Variants in FAM78B observed in about 807,000 individuals in gnomAD.
FAM78B encodes the protein family with sequence similarity 78 member B, also known as protein FAM78B.
A neutral mutation model predicts 20.0 loss-of-function variants in FAM78B; 10 were observed. That is an observed-to-expected ratio of 0.50 (90% CI 0.31 to 0.85). The LOEUF (loss-of-function observed/expected upper bound fraction) is 0.85, where lower values mean the gene tolerates loss of function less well. FAM78B is among the 40% of genes least tolerant of loss of function. The pLI is 0.05. For synonymous variants in FAM78B, 135 were observed against 132.8 expected (o/e 1.02, Z -0.12); for missense variants, 283 against 345.0 (o/e 0.82, Z 1.42).
chr1:166,122,148 G>A (rs1261679707), intron 1 of FAM78B, among the ~76,000 whole-genome samples: 1 of 152,050 alleles, frequency 6.6e-6, no homozygotes. Flanking sequence ...TTTTTTCCTT[G>A]CCTTAGCCAG....
chr1:166,100,259 G>C (rs1324192338), intron 1 of FAM78B, among the ~76,000 whole-genome samples: 1 of 152,218 alleles, frequency 6.6e-6, no homozygotes, highest in African/African-American at 2.4e-5. Context: ...ACAGCTCCCA[G>C]CAGGAGCGAT....
At chr1:166,146,896 G>C (rs1655478124) in intron 1 of FAM78B, among the ~76,000 whole-genome samples, 1 of 152,174 alleles carries the variant, frequency 6.6e-6, no homozygotes, top group Non-Finnish European at 1.5e-5. Context: ...TGAATGTGCA[G>C]GCTTGGTTCA....
At chr1:166,107,345 A>C (rs899973035) in intron 1 of FAM78B, among the ~76,000 whole-genome samples, 1 of 152,192 alleles carries the variant, frequency 6.6e-6, no homozygotes, top group Non-Finnish European at 1.5e-5. Context: ...CTGAAATACA[A>C]AAGATTATTC....
intron 1 of FAM78B, among the ~76,000 whole-genome samples, chr1:166,153,667 C>A (rs190591228): frequency 1.3e-5 from 2 of 152,236 alleles, no homozygotes; most frequent in East Asian, 1.9e-4. Context: ...CAGGCTGCAA[C>A]AGGACTATGT....
In FAM78B at chr1:166,080,164, T is replaced by C. The variant is rs143122512; in HGVS notation, c.264-9401A>G. Among the ~76,000 whole-genome samples, 16 of 152,294 alleles carry C rather than the reference T, an allele frequency of 1.1e-4. 1 individual carries two copies. The East Asian group carries it at 2.3e-3, about 22-fold the overall frequency. ...CTCATGATGCCTCCCTAGTACAAAA[T>C]TAAGAGTCCAAAAGCTCTGAAAAAT... On this transcript the variant is annotated intron_variant, in intron 1 of 1. Transcript: ENST00000354422.
chr1:166,088,820 G>C (rs1652946438), intron 1 of FAM78B, among the ~76,000 whole-genome samples: 1 of 152,136 alleles, frequency 6.6e-6, no homozygotes, highest in South Asian at 2.1e-4. Flanking sequence ...TGTGGGGCTA[G>C]TGGGCTCCTC....
intron 1 of FAM78B, among the ~76,000 whole-genome samples, chr1:166,153,407 C>T (rs923591802): frequency 1.3e-5 from 2 of 152,126 alleles, no homozygotes; most frequent in East Asian, 3.8e-4. Context: ...GGGATGGACA[C>T]AAAGATGAAC....
intron 1 of FAM78B, among the ~76,000 whole-genome samples, chr1:166,153,382 A>T (rs1655762678): frequency 6.6e-6 from 1 of 152,266 alleles, no homozygotes; most frequent in Non-Finnish European, 1.5e-5. Context: ...GTCAGAAACC[A>T]AGCCGGTAGA....
intron 2 of FAM78B, among the ~76,000 whole-genome samples, chr1:166,061,848 CAATGTG>C (rs1181571109): frequency 6.6e-6 from 1 of 152,180 alleles, no homozygotes; most frequent in East Asian, 1.9e-4. Context: ...GAGTGGGGCA[CAATGTG>C]GTTGCACGTG....
chr1:166,063,635 C>A (rs1651691800), intron 2 of FAM78B, among the ~76,000 whole-genome samples: 1 of 152,160 alleles, frequency 6.6e-6, no homozygotes, highest in African/African-American at 2.4e-5. Flanking sequence ...ATGAAGCAAA[C>A]AATCTCTCCT....
downstream of FAM78B, among the ~76,000 whole-genome samples, chr1:166,067,598 C>T (rs1557886508): frequency 6.6e-6 from 1 of 152,064 alleles, no homozygotes; most frequent in Non-Finnish European, 1.5e-5. Context: ...TTTCATTTGG[C>T]AATATCCTGA....
intron 1 of FAM78B, among the ~76,000 whole-genome samples, chr1:166,140,744 C>G (rs946306825): frequency 9.2e-5 from 14 of 152,120 alleles, no homozygotes; most frequent in African/African-American, 2.9e-4. Flanking sequence ...AACAAAGAAG[C>G]CTTTTTTGGG....
downstream of FAM78B, among the ~76,000 whole-genome samples, chr1:166,068,596 C>A (rs1024464713): frequency 3.3e-5 from 5 of 152,186 alleles, no homozygotes; most frequent in African/African-American, 1.2e-4. Context: ...ATAAACCCTG[C>A]TGCTTTTTAT....
chr1:166,099,235 T>C (rs1377137477), intron 1 of FAM78B, among the ~76,000 whole-genome samples: 1 of 152,202 alleles, frequency 6.6e-6, no homozygotes, highest in Non-Finnish European at 1.5e-5. Context: ...CTGTAAGAAC[T>C]GCTAAAAGGA....
At chr1:166,110,215 GA>G (rs1653997782) in intron 1 of FAM78B, among the ~76,000 whole-genome samples, 1 of 151,262 alleles carries the variant, frequency 6.6e-6, no homozygotes, top group Non-Finnish European at 1.5e-5. Context: ...CACCACTTAA[GA>G]ACTTACTCAT....
intron 1 of FAM78B, among the ~76,000 whole-genome samples, chr1:166,085,332 G>A (rs1334790485): frequency 6.6e-6 from 1 of 152,174 alleles, no homozygotes; most frequent in Non-Finnish European, 1.5e-5. Flanking sequence ...CAGGGGAAGG[G>A]GGGCCACTGT....
intron 1 of FAM78B, among the ~76,000 whole-genome samples, chr1:166,158,844 A>G (rs945349607): frequency 4.6e-5 from 7 of 152,156 alleles, no homozygotes; most frequent in African/African-American, 1.7e-4. Flanking sequence ...CACCACGAGG[A>G]CTCTGCTTCT....
intron 1 of FAM78B, among the ~76,000 whole-genome samples, chr1:166,156,437 T>C (rs1003773568): frequency 1.3e-5 from 2 of 152,170 alleles, no homozygotes; most frequent in Non-Finnish European, 2.9e-5. Flanking sequence ...TGGCTGATCA[T>C]GGACTCAGTA....
At position 166,145,405 on chromosome 1, in the gene FAM78B, G is replaced by A. The variant is rs768833556; in HGVS notation, c.263+20581C>T. Among the ~76,000 whole-genome samples, 4 of 152,334 alleles carry A rather than the reference G, an allele frequency of 2.6e-5. No homozygotes were observed. The South Asian group carries it at 8.3e-4, about 32-fold the overall frequency. On this transcript the variant is annotated intron_variant, in intron 1 of 1. Coordinates refer to ENST00000354422, the MANE Select transcript of FAM78B (RefSeq NM_001017961.5). ...CCAGGGTGCATTAGGGCATCCTGTAGGTTGGCACCAGGTGCCATCATGTCA... is the reference window on the plus strand; with the variant it reads ...CCAGGGTGCATTAGGGCATCCTGTAAGTTGGCACCAGGTGCCATCATGTCA...
Sources: allele counts gnomAD v4.1 joint callset (sites outside exome capture counted in the v4.1 genomes callset), GRCh38; gene constraint gnomAD v4.1.1; transcripts MANE v1.5; gene names NCBI Gene and HGNC (gene_info 2026-07-23, HGNC 2026-07-21).